ZNF782: variants seen among roughly 807,000 people sequenced by gnomAD.
The protein encoded by ZNF782 is zinc finger protein 782.
A neutral mutation model predicts 13.0 loss-of-function variants in ZNF782; 12 were observed. The ratio of observed to expected loss-of-function variants is 0.92; its 90% confidence interval spans 0.59 to 1.50. The LOEUF is 1.50. Among genes scored for constraint, ZNF782 ranks in the 40% most tolerant of loss-of-function variants. The probability of loss-of-function intolerance (pLI) is 0.00; values close to 1 mark genes in which losing one functional copy is unlikely to be tolerated. For missense variants in ZNF782, 770 were observed against 822.9 expected (o/e 0.94, Z 0.79); for synonymous variants, 284 against 283.0 (o/e 1.00, Z -0.04).
the ZNF782 span, among the ~76,000 whole-genome samples, chr9:96,929,937 GA>G: frequency 1.3e-5 from 2 of 151,656 alleles, no homozygotes; most frequent in African/African-American, 4.8e-5. Flanking sequence ...TTCAGTAGAG[GA>G]AGGAGAGTAG....
intron 4 of ZNF782, among the ~76,000 whole-genome samples, chr9:96,827,954 C>G (rs1195660395): frequency 1.3e-5 from 2 of 152,194 alleles, no homozygotes; most frequent in Non-Finnish European, 1.5e-5. Context: ...GCCTGGCAGA[C>G]TTGGCAAGCT....
intron 5 of ZNF782, among the ~76,000 whole-genome samples, chr9:96,826,158 A>G (rs963291243): frequency 6.6e-6 from 1 of 152,228 alleles, no homozygotes; most frequent in Non-Finnish European, 1.5e-5. Flanking sequence ...CCAAATGTCC[A>G]ACAATGATAG....
chr9:96,910,223 A>G, the ZNF782 span: 1 of 731,052 alleles, frequency 1.4e-6, no homozygotes, highest in Non-Finnish European at 2.4e-6. Context: ...GGAGGCTGAC[A>G]AGGAGGTAGA....
chr9:96,827,648 T>A (rs1394670237), intron 4 of ZNF782, among the ~76,000 whole-genome samples: 1 of 152,214 alleles, frequency 6.6e-6, no homozygotes, highest in Non-Finnish European at 1.5e-5. Flanking sequence ...CTTGAACCCC[T>A]GAACTGCACA....
At chr9:96,917,576 C>T in the ZNF782 span, among the ~76,000 whole-genome samples, 4 of 151,688 alleles carry the variant, frequency 2.6e-5, no homozygotes, top group East Asian at 3.9e-4. Context: ...GGATTACAGG[C>T]GCCCACCACC....
upstream of ZNF782, chr9:96,875,682 A>C (rs1851884095): frequency 2.2e-6 from 1 of 445,990 alleles, no homozygotes; most frequent in Admixed American, 2.4e-5. Flanking sequence ...CTCTAGCGTG[A>C]GGGGGTCGAT....
chr9:96,896,655 AGT>A, the ZNF782 span, among the ~76,000 whole-genome samples: 1 of 152,318 alleles, frequency 6.6e-6, no homozygotes, highest in East Asian at 1.9e-4. Flanking sequence ...TCCTCAATTG[AGT>A]GTGTTACTCT....
At chr9:96,901,869 C>CA in the ZNF782 span, among the ~76,000 whole-genome samples, 279 of 59,446 alleles carry the variant, frequency 4.7e-3, 1 homozygote, top group East Asian at 0.011. Context: ...AACTCTGTCT[C>CA]AAAAAAAAAA....
chr9:96,869,021 C>T (rs1263674460), intron 1 of ZNF782, among the ~76,000 whole-genome samples: 2 of 151,982 alleles, frequency 1.3e-5, no homozygotes, highest in Non-Finnish European at 2.9e-5. Context: ...CCTATATTTG[C>T]CATTTTGTCT....
intron 4 of ZNF782, among the ~76,000 whole-genome samples, chr9:96,835,917 T>A (rs1346435659): frequency 1.3e-5 from 2 of 152,194 alleles, no homozygotes; most frequent in Admixed American, 1.3e-4. Flanking sequence ...GCTTCAGGAT[T>A]AGGGCCACTG....
chr9:96,902,877 A>G, the ZNF782 span: 1 of 150,732 alleles, frequency 6.6e-6, no homozygotes, highest in African/African-American at 2.4e-5. Flanking sequence ...ATCACAGCTC[A>G]CTGCAGCCTC....
At position 96,818,185 on chromosome 9, in the gene ZNF782, G is replaced by A; in HGVS notation, c.1838C>T (p.Thr613Ile). 1 of 1,614,098 alleles carries A rather than the reference G, an allele frequency of 6.2e-7. No homozygotes were observed. Among genetic ancestry groups the A allele is most frequent in the Non-Finnish European group, 8.5e-7 (1 of 1,180,026 alleles). ...SNLRGHQRTH[T>I]GEKPYECNEC... ...ATTACATTCATAGGGCTTCTCCCCA[G>A]TGTGAGTTCTCTGATGCCCTCTGAG... Residue 613 changes from threonine to isoleucine, a missense_variant, in exon 6 of 6, where the codon ACT becomes ATT. Thr to Ile is a moderately conservative substitution (Grantham distance 89, BLOSUM62 -1). Coordinates refer to ENST00000481138, the MANE Select transcript of ZNF782 (RefSeq NM_001001662.3).
At chr9:96,924,926 G>A in the ZNF782 span, among the ~76,000 whole-genome samples, 3 of 152,258 alleles carry the variant, frequency 2.0e-5, no homozygotes, top group South Asian at 2.1e-4. Flanking sequence ...CGCCTTGAGC[G>A]CAGCCACAGG....
At chr9:96,878,485 G>A (rs535829404), upstream of ZNF782, among the ~76,000 whole-genome samples, 18 of 152,140 alleles carry the variant, frequency 1.2e-4, no homozygotes, top group Admixed American at 1.1e-3. Context: ...TCCCAAGTAC[G>A]ACCAATTGTC....
At chr9:96,882,462 T>G in the ZNF782 span, among the ~76,000 whole-genome samples, 2 of 152,188 alleles carry the variant, frequency 1.3e-5, no homozygotes, top group Admixed American at 6.5e-5. Flanking sequence ...TAGGCTTCCT[T>G]TAATCAGGTA....
At chr9:96,906,203 CA>C in the ZNF782 span, among the ~76,000 whole-genome samples, 1 of 151,994 alleles carries the variant, frequency 6.6e-6, no homozygotes, top group Non-Finnish European at 1.5e-5. Context: ...TAATAATAAC[CA>C]AACTTGATTT....
At chr9:96,881,195 A>C in the ZNF782 span, among the ~76,000 whole-genome samples, 3 of 151,934 alleles carry the variant, frequency 2.0e-5, no homozygotes, top group Non-Finnish European at 2.9e-5. Flanking sequence ...AATTTTATTT[A>C]TCTCTTCCAA....
the ZNF782 span, among the ~76,000 whole-genome samples, chr9:96,916,777 G>A: frequency 1.3e-5 from 2 of 149,432 alleles, no homozygotes; most frequent in Non-Finnish European, 3.0e-5. Flanking sequence ...TGTGGGGCAA[G>A]GGAGGGTGAG....
intron 4 of ZNF782, among the ~76,000 whole-genome samples, chr9:96,835,636 C>G (rs984947591): frequency 6.6e-6 from 1 of 152,202 alleles, no homozygotes; most frequent in Non-Finnish European, 1.5e-5. Flanking sequence ...GCTGCATAAG[C>G]CTTACATCCC....
Sources: allele counts gnomAD v4.1 joint callset (sites outside exome capture counted in the v4.1 genomes callset), GRCh38; gene constraint gnomAD v4.1.1; transcripts MANE v1.5; gene names NCBI Gene and HGNC (gene_info 2026-07-23, HGNC 2026-07-21).